Variants in SLC17A5 observed in about 807,000 individuals in gnomAD.
SLC17A5 encodes the protein sialin.
Under a neutral mutation model 59.4 loss-of-function variants are expected in SLC17A5, and 47 were observed. The observed-to-expected ratio is 0.79, with a 90% CI of 0.63 to 1.01. The LOEUF is 1.01. SLC17A5 is among the 50% of genes least tolerant of loss of function. SLC17A5 has a pLI of 0.00. For missense variants in SLC17A5, 522 were observed against 595.5 expected, an observed-to-expected ratio of 0.88 and a Z score of 1.28; for synonymous variants, 202 against 210.7, an observed-to-expected ratio of 0.96 and a Z score of 0.36.
At chr6:73,597,889 T>C (rs1766887891) in intron 10 of SLC17A5, among the ~76,000 whole-genome samples, 1 of 152,132 alleles carries the variant, frequency 6.6e-6, no homozygotes, top group South Asian at 2.1e-4. Context: ...ATGAGGTCAT[T>C]TATTTGGGAA....
At chr6:73,649,344 C>T (rs577680893) in intron 1 of SLC17A5, among the ~76,000 whole-genome samples, 251 of 152,288 alleles carry the variant, frequency 1.6e-3, no homozygotes, top group Non-Finnish European at 3.0e-3. Context: ...GGCTCACACT[C>T]GTAATCCCAG....
intron 6 of SLC17A5, among the ~76,000 whole-genome samples, chr6:73,627,721 C>G (rs969808991): frequency 5.9e-5 from 9 of 151,796 alleles, no homozygotes; most frequent in African/African-American, 1.2e-4. Context: ...CTCTGCCTCC[C>G]AGGTTCGAGC....
intron 9 of SLC17A5, among the ~76,000 whole-genome samples, chr6:73,603,484 G>A (rs2150080534): frequency 6.7e-6 from 1 of 148,296 alleles, no homozygotes; most frequent in East Asian, 2.0e-4. Context: ...GCAATGGTGT[G>A]ATCTTGGCTC....
At chr6:73,601,914 G>A (rs1210990378) in intron 9 of SLC17A5, among the ~76,000 whole-genome samples, 17 of 151,922 alleles carry the variant, frequency 1.1e-4, no homozygotes, top group Non-Finnish European at 1.9e-4. Flanking sequence ...CCCTCTGCCC[G>A]GCCACCACCC....
At chr6:73,644,331 A>G (rs1769435466) in intron 2 of SLC17A5, 76 bp downstream of exon 2, 1 of 1,192,766 alleles carries the variant, frequency 8.4e-7, no homozygotes, top group African/African-American at 1.5e-5. Flanking sequence ...TGTAGGATGA[A>G]AAAAGACCTT....
intron 9 of SLC17A5, among the ~76,000 whole-genome samples, chr6:73,604,545 A>T (rs1767306891): frequency 6.6e-6 from 1 of 151,964 alleles, no homozygotes; most frequent in South Asian, 2.1e-4. Context: ...GGAGTTTGAG[A>T]CTAGCCTGGG....
chr6:73,638,717 C>A (rs1289104437), intron 3 of SLC17A5, among the ~76,000 whole-genome samples: 1 of 151,894 alleles, frequency 6.6e-6, no homozygotes, highest in Non-Finnish European at 1.5e-5. Flanking sequence ...TGCCTGTAAT[C>A]CCAGCACTTT....
At chr6:73,605,042 G>T (rs921007293) in intron 9 of SLC17A5, among the ~76,000 whole-genome samples, 1 of 151,656 alleles carries the variant, frequency 6.6e-6, no homozygotes, top group African/African-American at 2.4e-5. Context: ...GTACGATCTT[G>T]CTATATTGCC....
rs1057516910 is a variant in SLC17A5 at position 73,615,410 on chromosome 6, C to T, written c.1016G>A (p.Trp339Ter). Reference sequence around the variant, plus strand: ...TTGACCAGACAGGATCATACATAACCAAGAGCCTAAATAAGGCAATGAAGA... The same window carrying T: ...TTGACCAGACAGGATCATACATAACTAAGAGCCTAAATAAGGCAATGAAGA... ...FLSSLPYLGS[W>*]LCMILSGQAA... The change falls in exon 8 of 11, where the codon TGG (tryptophan) becomes TAG (stop). Residue 339 changes from tryptophan to a stop codon, truncating the protein, a stop_gained. Transcript: ENST00000355773. LOFTEE classifies it high-confidence loss of function. 8.1e-6 allele frequency: 13 copies of T among 1,613,684 alleles called. No individual in the cohort carries two copies. Among genetic ancestry groups the T allele is most frequent in the Non-Finnish European group, 1.1e-5 (13 of 1,179,910 alleles).
At chr6:73,637,399 C>A (rs1239421565) in intron 4 of SLC17A5, among the ~76,000 whole-genome samples, 1 of 152,156 alleles carries the variant, frequency 6.6e-6, no homozygotes, top group Non-Finnish European at 1.5e-5. Flanking sequence ...TAAAAGGGAA[C>A]CTTAGATAGT....
chr6:73,621,063 T>C (rs1768125409), intron 7 of SLC17A5, among the ~76,000 whole-genome samples: 1 of 151,854 alleles, frequency 6.6e-6, no homozygotes, highest in African/African-American at 2.4e-5. Context: ...TGGAGTGCAA[T>C]GGCTTGATCC....
chr6:73,640,865 A>G (rs949466885), intron 3 of SLC17A5, among the ~76,000 whole-genome samples: 1 of 152,232 alleles, frequency 6.6e-6, no homozygotes, highest in Non-Finnish European at 1.5e-5. Flanking sequence ...TTCTAAAAAG[A>G]GCAGAATCAT....
chr6:73,647,677 A>T (rs1389136154), intron 1 of SLC17A5, among the ~76,000 whole-genome samples: 1 of 152,266 alleles, frequency 6.6e-6, no homozygotes, highest in African/African-American at 2.4e-5. Flanking sequence ...AAAGGTAAGT[A>T]AAATGATTTC....
chr6:73,602,541 G>A (rs1409050347), intron 9 of SLC17A5, among the ~76,000 whole-genome samples: 5 of 152,126 alleles, frequency 3.3e-5, no homozygotes, highest in East Asian at 3.9e-4. Flanking sequence ...TTGGGAGGCC[G>A]AGGCGGGTGG....
rs1766727426 is a variant in SLC17A5, at chr6:73,594,976, T to C, written c.*101A>G. 1.5e-6 allele frequency: 2 copies of C among 1,294,430 alleles called. No homozygotes were observed. The allele number at this position is 1,294,430 out of a possible 1,614,324, so 80.2% of individuals were successfully genotyped here. A position where few individuals can be genotyped will look rare whatever the true frequency, so the allele number is the denominator to read the frequency against. ...CCTTAAAAATCTAATACAAGTACAA[T>C]TAAAAAAAGACATAGAATGCTTACA... On this transcript the variant is annotated 3_prime_UTR_variant, in exon 11 of 11. Coordinates refer to ENST00000355773, the MANE Select transcript of SLC17A5 (RefSeq NM_012434.5).
In SLC17A5 at chr6:73,643,430, G is replaced by T. The variant is rs542890973; in HGVS notation, c.291+977C>A. On this transcript the variant is annotated intron_variant, in intron 2 of 10. Coordinates refer to ENST00000355773, the MANE Select transcript of SLC17A5 (RefSeq NM_012434.5). ...GTGCCTCGGCCTCCCAAAGTGCTGG[G>T]ATTACAGGTGTGAGCCACCGCGCCC... Among the ~76,000 whole-genome samples the T allele has an allele frequency of 3.3e-5, 5 of 151,930 alleles. No homozygotes were observed. The East Asian group carries it at 9.7e-4, about 29-fold the overall frequency.
chr6:73,631,062 A>G lies in SLC17A5; in HGVS notation c.819+4320T>C, dbSNP rs531772605. 4.8e-4 allele frequency among the ~76,000 whole-genome samples: 73 copies of G among 151,414 alleles called. 5 individuals carry two copies. Among genetic ancestry groups the G allele is most frequent in the African/African-American group, 1.7e-3 (69 of 41,032 alleles). On this transcript the variant is annotated intron_variant, in intron 6 of 10. Transcript: ENST00000355773. Reference sequence around the variant, plus strand: ...ACTCTGTCTCAAAAGAAAAAAAAAAAAAAAGAAAAAAAGCAGTCCTGGGCT... The same window carrying G: ...ACTCTGTCTCAAAAGAAAAAAAAAAGAAAAGAAAAAAAGCAGTCCTGGGCT...
intron 6 of SLC17A5, among the ~76,000 whole-genome samples, chr6:73,632,586 G>C (rs1768795258): frequency 6.6e-6 from 1 of 151,126 alleles, no homozygotes; most frequent in Admixed American, 6.6e-5. Context: ...GGGACTACAA[G>C]TGCATAACCT....
intron 8 of SLC17A5, among the ~76,000 whole-genome samples, chr6:73,614,738 G>T (rs933367896): frequency 6.6e-5 from 10 of 152,286 alleles, no homozygotes; most frequent in Non-Finnish European, 1.0e-4. Flanking sequence ...AACTTTTGCG[G>T]TCGGGGTTCT....
Sources: gnomAD v4.1 joint callset for allele counts (sites outside exome capture counted in the v4.1 genomes callset) on GRCh38, gnomAD v4.1.1 for gene constraint, MANE v1.5 for transcripts, NCBI Gene and HGNC (gene_info 2026-07-23, HGNC 2026-07-21) for gene names.